Variants in MPPED1 observed in about 807,000 individuals in gnomAD.
MPPED1 encodes metallophosphoesterase domain-containing protein 1.
MPPED1 carries 16 observed loss-of-function variants against 36.2 expected under a neutral mutation model. The observed-to-expected ratio is 0.44, with a 90% CI of 0.30 to 0.67. MPPED1 has a LOEUF of 0.67. Among genes scored for constraint, MPPED1 ranks in the 30% least tolerant of loss-of-function variants. The pLI is 0.10. For missense variants in MPPED1, 307 were observed against 453.4 expected (o/e 0.68, Z 2.93); for synonymous variants, 199 against 191.3 (o/e 1.04, Z -0.33).
At chr22:43,480,239 C>A (rs968421852) in intron 4 of MPPED1, among the ~76,000 whole-genome samples, 1 of 152,156 alleles carries the variant, frequency 6.6e-6, no homozygotes, top group Non-Finnish European at 1.5e-5. Flanking sequence ...AGCCTGCCTC[C>A]CAGGAGCTCA....
rs1173429013 is a variant in MPPED1, at chr22:43,506,382, A to G, written c.*766A>G. 6.6e-6 allele frequency: 1 copy of G among 152,426 alleles called. No homozygotes were observed. Among genetic ancestry groups the G allele is most frequent in the African/African-American group, 2.4e-5 (1 of 41,464 alleles). The allele number at this position is 152,426 out of a possible 1,614,324, so 9.4% of individuals were successfully genotyped here. ...GGGATGACCCTTGGTCCCACGGGGA[A>G]CACACTGCTCTGTAGAATGCGGTAG... is the stretch of plus-strand genomic sequence containing the variant. On this transcript the variant is annotated 3_prime_UTR_variant, in exon 7 of 7. Transcript: ENST00000443721.
rs1931489219 is a variant in MPPED1, at chr22:43,474,745, C to A, written c.416C>A (p.Pro139His). 6.2e-7 allele frequency: 1 copy of A among 1,613,868 alleles called. No individual in the cohort carries two copies. Among genetic ancestry groups the A allele is most frequent in the Admixed American group, 1.7e-5 (1 of 59,988 alleles). The change falls in exon 4 of 7, where the codon CCC becomes CAC. Residue 139 changes from proline (P) to histidine (H), a missense_variant. By Grantham distance (77) the Pro-to-His change is moderately conservative. This residue lies in a region of MPPED1 where 169 missense variants were observed against 212.3 expected (regional missense o/e 0.80). Coordinates refer to ENST00000443721, the MANE Select transcript of MPPED1 (RefSeq NM_001044370.2). The surrounding 1 kb of genome is among the most constrained non-coding windows in gnomAD (Gnocchi z 5.2). ...GTGTCCACCCCTGCAGGCAGCCTGC[C>A]CTACGAGTACAAGATCGTGATCGCA... The part of the protein sequence containing the change: ...KKFNEWLGSL[P>H]YEYKIVIAGN...
intron 2 of MPPED1, 55 bp downstream of exon 2, chr22:43,425,264 T>G: frequency 6.7e-7 from 1 of 1,495,246 alleles, no homozygotes. Context: ...CTGGGGTGGG[T>G]GCATGGTCTC....
At chr22:43,501,330 T>C (rs1222781451) in intron 5 of MPPED1, among the ~76,000 whole-genome samples, 4 of 152,146 alleles carry the variant, frequency 2.6e-5, no homozygotes, top group Non-Finnish European at 4.4e-5. Context: ...TCTCCTTTTT[T>C]CCTCCTTTTT....
rs207478008 is a variant in MPPED1 at position 43,467,489 on chromosome 22, G to A, written c.407-7247G>A. On this transcript the variant is annotated intron_variant, in intron 3 of 6. Transcript: ENST00000443721. ...CACAGTCTTCTGTGTGTGCTTGGCC[G>A]TGTGAAGCCATTCCTGGCGTTCATG... Among the ~76,000 whole-genome samples the A allele has an allele frequency of 2.6e-5, 4 of 152,326 alleles. No individual in the cohort carries two copies. In the East Asian group the frequency reaches 5.8e-4, roughly 22 times the overall value.
At chr22:43,435,953 G>GGTTCATCCT (rs1929943615) in intron 3 of MPPED1, among the ~76,000 whole-genome samples, 1 of 152,196 alleles carries the variant, frequency 6.6e-6, no homozygotes, top group Non-Finnish European at 1.5e-5. Context: ...GTGCTCAGCT[G>GGTTCATCCT]GTTCATCCTA....
chr22:43,432,200 C>A (rs535065203), intron 2 of MPPED1, among the ~76,000 whole-genome samples: 2 of 51,484 alleles, frequency 3.9e-5, no homozygotes, highest in African/African-American at 5.7e-5. Flanking sequence ...ACCTCAGAGG[C>A]ACACAGAGAG....
chr22:43,454,489 G>C (rs1930685706), intron 3 of MPPED1, among the ~76,000 whole-genome samples: 1 of 152,016 alleles, frequency 6.6e-6, no homozygotes, highest in African/African-American at 2.4e-5. Context: ...AATTTTTGTA[G>C]AGACAAGGTC....
At chr22:43,482,235 G>A (rs1569084514) in intron 4 of MPPED1, among the ~76,000 whole-genome samples, 1 of 152,166 alleles carries the variant, frequency 6.6e-6, no homozygotes, top group Non-Finnish European at 1.5e-5. Context: ...GTGAGGGAGA[G>A]AGTGAAATTG....
intron 2 of MPPED1, among the ~76,000 whole-genome samples, chr22:43,427,391 G>A (rs1352726146): frequency 6.6e-6 from 1 of 152,074 alleles, no homozygotes; most frequent in Non-Finnish European, 1.5e-5. Context: ...AGGAGGAAGT[G>A]GGCCAGCAGA....
intron 3 of MPPED1, among the ~76,000 whole-genome samples, chr22:43,454,200 G>T (rs1188770611): frequency 6.6e-6 from 1 of 152,018 alleles, no homozygotes; most frequent in Admixed American, 6.5e-5. Flanking sequence ...GTAGAGAGGG[G>T]GTTTCACTGC....
rs1028710356 is a variant in MPPED1 at position 43,474,571 on chromosome 22, A to C, written c.407-165A>C. ...TCTGTCTGTGTCCACCCCTGCAGGC[A>C]GCCTGCCCTATGAGTACAAGATCGT... is the stretch of plus-strand genomic sequence containing the variant. On this transcript the variant is annotated intron_variant, in intron 3 of 6. Transcript: ENST00000443721. This position sits in a 1 kb window ranked among gnomAD's most constrained non-coding sequence, Gnocchi z 5.2. 6.6e-6 allele frequency among the ~76,000 whole-genome samples: 1 copy of C among 151,646 alleles called. No homozygotes were observed. The highest frequency in any genetic ancestry group is 2.4e-5 in the African/African-American group (1 of 41,176).
chr22:43,484,924 G>C (rs1931862063), intron 4 of MPPED1, among the ~76,000 whole-genome samples: 1 of 152,150 alleles, frequency 6.6e-6, no homozygotes, highest in Admixed American at 6.5e-5. Flanking sequence ...TTAGAATTCT[G>C]AGCCCAACGT....
intron 1 of MPPED1, among the ~76,000 whole-genome samples, chr22:43,413,379 C>A (rs1047369661): frequency 3.1e-3 from 348 of 111,160 alleles, no homozygotes; most frequent in Admixed American, 3.9e-3. Flanking sequence ...CTGGACTTTG[C>A]AAAAAAAAAA....
chr22:43,413,171 T>A (rs955272147), intron 1 of MPPED1, among the ~76,000 whole-genome samples: 2 of 152,142 alleles, frequency 1.3e-5, no homozygotes, highest in African/African-American at 4.8e-5. Flanking sequence ...TTTCCCCTGC[T>A]CTATTGAATG....
At chr22:43,483,496 G>A (rs904435191) in intron 4 of MPPED1, among the ~76,000 whole-genome samples, 2 of 152,394 alleles carry the variant, frequency 1.3e-5, no homozygotes, top group African/African-American at 2.4e-5. Flanking sequence ...AGCATGCCAC[G>A]CCCTCGGTGC....
intron 3 of MPPED1, among the ~76,000 whole-genome samples, chr22:43,451,788 T>G (rs1930577103): frequency 6.6e-6 from 1 of 152,210 alleles, no homozygotes; most frequent in African/African-American, 2.4e-5. Context: ...GGTCAAGGCC[T>G]CTGGCGGGGA....
intron 1 of MPPED1, among the ~76,000 whole-genome samples, chr22:43,423,041 T>C (rs770594900): frequency 1.3e-5 from 2 of 152,114 alleles, no homozygotes; most frequent in Non-Finnish European, 2.9e-5. Flanking sequence ...TTCACTATGT[T>C]GGCCAGGCTG....
At chr22:43,420,330 T>C (rs1375492531) in intron 1 of MPPED1, among the ~76,000 whole-genome samples, 1 of 151,860 alleles carries the variant, frequency 6.6e-6, no homozygotes, top group Non-Finnish European at 1.5e-5. Flanking sequence ...ACTTAGCACT[T>C]CCCCTCCCTC....
Sources: gnomAD v4.1 joint callset for allele counts (sites outside exome capture counted in the v4.1 genomes callset) on GRCh38, gnomAD v4.1.1 for gene constraint, gnomAD v4.1.1 regional missense constraint, Gnocchi (gnomAD v3.1) non-coding constraint, MANE v1.5 for transcripts, NCBI Gene and HGNC (gene_info 2026-07-23, HGNC 2026-07-21) for gene names.